The following LRRC27 variants were observed in gnomAD, a reference collection of about 807,000 sequenced individuals.
LRRC27 encodes leucine-rich repeat-containing protein 27.
In LRRC27, 57 loss-of-function variants were observed where a neutral mutation model predicts 55.0. That is an observed-to-expected ratio of 1.04 (90% CI 0.84 to 1.29). The LOEUF (loss-of-function observed/expected upper bound fraction) is 1.29. Among genes scored for constraint, LRRC27 ranks in the 50% most tolerant of loss-of-function variants. The probability of loss-of-function intolerance (pLI) is 0.00; values close to 1 mark genes in which losing one functional copy is unlikely to be tolerated. For missense variants in LRRC27, 721 were observed against 651.5 expected (o/e 1.11, Z -1.16); for synonymous variants, 278 against 251.9 (o/e 1.10, Z -0.98).
At chr10:132,339,442 G>T (rs970550459) in intron 3 of LRRC27, among the ~76,000 whole-genome samples, 8 of 152,212 alleles carry the variant, frequency 5.3e-5, no homozygotes, top group Non-Finnish European at 1.2e-4. Flanking sequence ...AACACACCCG[G>T]TGCATCTCCA....
chr10:132,352,607 G>GTGGGGC, intron 7 of LRRC27, among the ~76,000 whole-genome samples: 1 of 112,828 alleles, frequency 8.9e-6, no homozygotes, highest in Admixed American at 9.0e-5. Context: ...AGGCCTCCGT[G>GTGGGGC]TGGGGCAGGC....
chr10:132,341,752 T>TA (rs1174397992), intron 3 of LRRC27, among the ~76,000 whole-genome samples: 1 of 152,208 alleles, frequency 6.6e-6, no homozygotes, highest in Non-Finnish European at 1.5e-5. Flanking sequence ...CAGAGCATGA[T>TA]AAAACACTGG....
Position 132,377,566 on chromosome 10 carries a change from G to A in LRRC27, c.*2324G>A, listed in dbSNP as rs893119873. ...AGCACGCAAGACACAGGTACCGTGT[G>A]CCCCAACGGTGTCTTGACTCGCTGT... On this transcript the variant is annotated 3_prime_UTR_variant, in exon 11 of 11. Transcript: ENST00000368614. 3 of 152,122 alleles carry A rather than the reference G, an allele frequency of 2.0e-5. No homozygotes were observed. The highest frequency in any genetic ancestry group is 4.4e-5 in the Non-Finnish European group (3 of 68,040). The allele number at this position is 152,122 out of a possible 1,614,324, so 9.4% of individuals were successfully genotyped here.
chr10:132,370,858 T>C (rs2069195711), intron 10 of LRRC27, among the ~76,000 whole-genome samples: 1 of 152,208 alleles, frequency 6.6e-6, no homozygotes, highest in Non-Finnish European at 1.5e-5. Flanking sequence ...GGGAACCTAT[T>C]TGTATAATCC....
At position 132,348,609 on chromosome 10, in the gene LRRC27, A is replaced by G. The variant is rs1037332224; in HGVS notation, c.926+253A>G. ...GAGGATACGCCCGGGGAAAAGAGAC[A>G]TAAGCGACAGTGAGATCTGTGGCCT... On this transcript the variant is annotated intron_variant, in intron 6 of 10. Transcript: ENST00000368614. This position sits in a 1 kb window ranked among gnomAD's most constrained non-coding sequence, Gnocchi z 4.2. Among the ~76,000 whole-genome samples the G allele has an allele frequency of 5.9e-5, 9 of 152,222 alleles. No individual in the cohort carries two copies. Among genetic ancestry groups the G allele is most frequent in the African/African-American group, 2.2e-4 (9 of 41,460 alleles).
chr10:132,335,280 C>T (rs558863045), intron 2 of LRRC27: 7 of 152,460 alleles, frequency 4.6e-5, no homozygotes, highest in African/African-American at 7.2e-5. Context: ...AGGCTGAGTA[C>T]TATGGGGGTT....
At position 132,377,712 on chromosome 10, in the gene LRRC27, G is replaced by A. The variant is rs530949981; in HGVS notation, c.*2470G>A. 6.6e-6 allele frequency: 1 copy of A among 152,206 alleles called. No individual in the cohort carries two copies. The highest frequency in any genetic ancestry group is 2.4e-5 in the African/African-American group (1 of 41,534). 9.4% of individuals were successfully genotyped at this position (152,206 alleles called of 1,614,324 possible). ...ATAACTTTTTTTTAAGTATTTCTTT[G>A]TATCATGGTTATGCTTTGACTGGCC... On this transcript the variant is annotated 3_prime_UTR_variant, in exon 11 of 11. Coordinates refer to ENST00000368614, the MANE Select transcript of LRRC27 (RefSeq NM_030626.3).
chr10:132,362,627 TCA>T (rs2068678014), intron 9 of LRRC27, among the ~76,000 whole-genome samples: 3 of 142,250 alleles, frequency 2.1e-5, no homozygotes, highest in African/African-American at 8.2e-5. Flanking sequence ...CCTTCTCACC[TCA>T]CAGCAGCTCG....
chr10:132,369,091 T>A (rs577744187), intron 10 of LRRC27, among the ~76,000 whole-genome samples: 1 of 152,246 alleles, frequency 6.6e-6, no homozygotes, highest in South Asian at 2.1e-4. Context: ...TTAAGGAGAT[T>A]CACCATCAAA....
chr10:132,340,175 A>G (rs1006623464), intron 3 of LRRC27, among the ~76,000 whole-genome samples: 3 of 152,248 alleles, frequency 2.0e-5, no homozygotes, highest in Admixed American at 6.5e-5. Flanking sequence ...TTACGTTTAT[A>G]TATTCATTTT....
intron 7 of LRRC27, chr10:132,352,792 G>T (rs1196851024): frequency 6.9e-7 from 1 of 1,444,034 alleles, no homozygotes; most frequent in Non-Finnish European, 9.6e-7. Context: ...AGTGCTCGCG[G>T]TCGCCCCCTT....
upstream of LRRC27, chr10:132,330,375 C>T (rs1262857288): frequency 4.2e-6 from 3 of 707,004 alleles, no homozygotes; most frequent in Non-Finnish European, 5.3e-6. Flanking sequence ...ATCTTCCATC[C>T]CCTTCGCCAC....
In LRRC27 at chr10:132,363,210, A is replaced by G. The variant is rs1468219035; in HGVS notation, c.1289+1635A>G. Among the ~76,000 whole-genome samples the G allele has an allele frequency of 7.9e-5, 10 of 127,114 alleles. 1 individual carries two copies. The allele number at this position is 127,114 out of a possible 152,430, so 83.4% of individuals were successfully genotyped here. A position where few individuals can be genotyped will look rare whatever the true frequency, so the allele number is the denominator to read the frequency against. ...ACAGCTGCTCGGGGGTCCGGGGTTCACCCCTCTTACCTCACAGCAGCTCGG... is the reference window on the plus strand; with the variant it reads ...ACAGCTGCTCGGGGGTCCGGGGTTCGCCCCTCTTACCTCACAGCAGCTCGG... On this transcript the variant is annotated intron_variant, in intron 9 of 10. Transcript: ENST00000368614.
At position 132,372,931 on chromosome 10, in the gene LRRC27, G is replaced by T. The variant is rs527565693; in HGVS notation, c.1417-2135G>T. On this transcript the variant is annotated intron_variant, in intron 10 of 10. Coordinates refer to ENST00000368614, the MANE Select transcript of LRRC27 (RefSeq NM_030626.3). This position sits in a 1 kb window ranked among gnomAD's most constrained non-coding sequence, Gnocchi z 4.0. Reference sequence around the variant, plus strand: ...AGCCTCGTTCCAGGGCCTCAGTCACGAGAGGTTCCTCAGCTGTTGAGGGAA... The same window carrying T: ...AGCCTCGTTCCAGGGCCTCAGTCACTAGAGGTTCCTCAGCTGTTGAGGGAA... Among the ~76,000 whole-genome samples, 1 of 152,126 alleles carries T rather than the reference G, an allele frequency of 6.6e-6. No individual in the cohort carries two copies. The highest frequency in any genetic ancestry group is 2.4e-5 in the African/African-American group (1 of 41,428).
chr10:132,335,933 G>T (rs544537454), intron 2 of LRRC27, among the ~76,000 whole-genome samples: 1 of 152,286 alleles, frequency 6.6e-6, no homozygotes, highest in East Asian at 1.9e-4. Context: ...GGCAACTAAG[G>T]GGTGGGGAAT....
At chr10:132,361,709 C>T (rs575401412) in intron 9 of LRRC27, 134 bp downstream of exon 9, 28 of 682,362 alleles carry the variant, frequency 4.1e-5, no homozygotes, top group South Asian at 5.1e-5. Flanking sequence ...CAGGCTGTGG[C>T]GGGCTCCAGG....
intron 2 of LRRC27, among the ~76,000 whole-genome samples, chr10:132,336,221 G>T (rs2067123277): frequency 1.3e-5 from 2 of 152,192 alleles, no homozygotes; most frequent in African/African-American, 4.8e-5. Context: ...TGCCCTGGGG[G>T]GGGAAGAACA....
At position 132,333,613 on chromosome 10, in the gene LRRC27, C is replaced by T. The variant is rs891827800; in HGVS notation, c.89C>T (p.Thr30Ile). The T allele has an allele frequency of 6.2e-6, 10 of 1,612,898 alleles. No individual in the cohort carries two copies. Among genetic ancestry groups the T allele is most frequent in the Non-Finnish European group, 7.6e-6 (9 of 1,180,002 alleles). The part of the protein sequence containing the change: ...GAGQTRSLPA[T>I]PSKDVHKGVG... ...GGTCAGACTAGGAGCTTGCCTGCCA[C>T]CCCCTCCAAAGATGTTCACAAGGGT... The change falls in exon 2 of 11, where the codon ACC (threonine) becomes ATC (isoleucine). Residue 30 changes from threonine to isoleucine, a missense_variant. Coordinates refer to ENST00000368614, the MANE Select transcript of LRRC27 (RefSeq NM_030626.3).
At chr10:132,365,703 G>A (rs1027898390) in intron 10 of LRRC27, among the ~76,000 whole-genome samples, 153 bp downstream of exon 10, 1 of 152,156 alleles carries the variant, frequency 6.6e-6, no homozygotes, top group African/African-American at 2.4e-5. Context: ...CCAGGTTCAA[G>A]CGATTCTCCT....
Sources: allele counts gnomAD v4.1 joint callset (sites outside exome capture counted in the v4.1 genomes callset), GRCh38; gene constraint gnomAD v4.1.1; non-coding constraint Gnocchi (gnomAD v3.1); transcripts MANE v1.5; gene names NCBI Gene and HGNC (gene_info 2026-07-23, HGNC 2026-07-21).